The following CAMK1D variants were observed in gnomAD, a reference collection of about 807,000 sequenced individuals.
CAMK1D encodes the protein calcium/calmodulin-dependent protein kinase type 1D.
CAMK1D carries 9 observed loss-of-function variants against 47.7 expected under a neutral mutation model. That is an observed-to-expected ratio of 0.19 (90% confidence interval 0.11 to 0.33). The LOEUF is 0.33. Among genes scored for constraint, CAMK1D ranks in the 10% least tolerant of loss-of-function variants. CAMK1D has a pLI of 1.00. For missense variants in CAMK1D, 291 were observed against 488.7 expected (o/e 0.60, Z 3.81); for synonymous variants, 184 against 184.9 (o/e 0.99, Z 0.04).
At chr10:12,652,884 T>C (rs1456445517) in intron 2 of CAMK1D, among the ~76,000 whole-genome samples, 3 of 152,258 alleles carry the variant, frequency 2.0e-5, no homozygotes, top group Non-Finnish European at 4.4e-5. Context: ...CTGCTCTTTT[T>C]AATTGTGACT....
intron 6 of CAMK1D, among the ~76,000 whole-genome samples, chr10:12,797,723 C>T (rs1588941026): frequency 6.6e-6 from 1 of 152,274 alleles, no homozygotes; most frequent in East Asian, 1.9e-4. Context: ...CTCCCCATCA[C>T]ATTCTCTGCC....
At chr10:12,709,669 A>C (rs1833863917) in intron 3 of CAMK1D, among the ~76,000 whole-genome samples, 1 of 152,198 alleles carries the variant, frequency 6.6e-6, no homozygotes, top group African/African-American at 2.4e-5. Context: ...GTATAGCTGT[A>C]GGATTATGGA....
rs149571812 is a variant in CAMK1D at position 12,790,148 on chromosome 10, C to A, written c.566-1010C>A. Among the ~76,000 whole-genome samples, 631 of 152,326 alleles carry A rather than the reference C, an allele frequency of 4.1e-3. 24 individuals are homozygous for A. Among genetic ancestry groups the A allele is most frequent in the Admixed American group, 0.038 (577 of 15,304 alleles). ...CAGGGAATACAGAGCAAGCCCAAGC[C>A]CCCAGCATGGATGACTCTTGATGAA... On this transcript the variant is annotated intron_variant, in intron 5 of 10. Coordinates refer to ENST00000619168, the MANE Select transcript of CAMK1D (RefSeq NM_153498.4).
chr10:12,688,443 T>C (rs560862708), intron 3 of CAMK1D, among the ~76,000 whole-genome samples: 1 of 152,278 alleles, frequency 6.6e-6, no homozygotes, highest in East Asian at 1.9e-4. Context: ...AAAAGGTACA[T>C]ATAGGAGAGA....
intron 2 of CAMK1D, among the ~76,000 whole-genome samples, chr10:12,595,215 G>A (rs1354650589): frequency 6.6e-6 from 1 of 151,758 alleles, no homozygotes; most frequent in Non-Finnish European, 1.5e-5. Context: ...GGTGGCATGT[G>A]CCTTCAATCC....
At chr10:12,642,450 G>A (rs1275130475) in intron 2 of CAMK1D, among the ~76,000 whole-genome samples, 1 of 152,228 alleles carries the variant, frequency 6.6e-6, no homozygotes, top group Non-Finnish European at 1.5e-5. Context: ...AGGCTGCTGA[G>A]CAGTGGATTG....
chr10:12,795,673 C>T (rs1004804524), intron 6 of CAMK1D, among the ~76,000 whole-genome samples: 9 of 152,192 alleles, frequency 5.9e-5, no homozygotes, highest in East Asian at 1.9e-4. Flanking sequence ...TCCTCTTGCA[C>T]GCCATATAAA....
At chr10:12,595,765 A>G (rs914837164) in intron 2 of CAMK1D, among the ~76,000 whole-genome samples, 4 of 152,158 alleles carry the variant, frequency 2.6e-5, no homozygotes, top group African/African-American at 9.7e-5. Flanking sequence ...TAAAAATACC[A>G]TGACAGGTCA....
intron 2 of CAMK1D, among the ~76,000 whole-genome samples, chr10:12,624,491 C>T (rs1839144955): frequency 6.6e-6 from 1 of 152,210 alleles, no homozygotes; most frequent in Non-Finnish European, 1.5e-5. Context: ...TAAGTGGAGT[C>T]ATGCAGTATT....
chr10:12,534,856 A>T (rs1588604329), intron 1 of CAMK1D, among the ~76,000 whole-genome samples: 2 of 151,596 alleles, frequency 1.3e-5, no homozygotes, highest in Admixed American at 1.3e-4. Context: ...GGTGAACTAG[A>T]ATGGCGAGTC....
At chr10:12,537,081 T>G (rs1835999215) in intron 1 of CAMK1D, among the ~76,000 whole-genome samples, 1 of 147,894 alleles carries the variant, frequency 6.8e-6, no homozygotes, top group African/African-American at 2.6e-5. Context: ...TTTCTTCTTC[T>G]TTTTTTTTGA....
At chr10:12,464,477 A>T (rs1833531967) in intron 1 of CAMK1D, among the ~76,000 whole-genome samples, 1 of 152,064 alleles carries the variant, frequency 6.6e-6, no homozygotes, top group Non-Finnish European at 1.5e-5. Flanking sequence ...CGTGTACTGT[A>T]ATTTGAGAGT....
At chr10:12,665,529 T>G (rs1194415870) in intron 2 of CAMK1D, among the ~76,000 whole-genome samples, 1 of 152,244 alleles carries the variant, frequency 6.6e-6, no homozygotes, top group Non-Finnish European at 1.5e-5. Flanking sequence ...TAGTTCTAGC[T>G]TTCAAGAGGT....
intron 1 of CAMK1D, among the ~76,000 whole-genome samples, chr10:12,409,128 A>T (rs1213991386): frequency 6.6e-6 from 1 of 152,104 alleles, no homozygotes; most frequent in East Asian, 1.9e-4. Context: ...AAGTGCTGGT[A>T]TTACAGGCGT....
intron 7 of CAMK1D, 100 bp downstream of exon 7, chr10:12,814,407 A>C: frequency 1.4e-6 from 1 of 714,198 alleles, no homozygotes; most frequent in Non-Finnish European, 2.5e-6. Flanking sequence ...GGGGCTCAGA[A>C]CAGTCCTGAG....
chr10:12,536,012 G>T (rs951724723), intron 1 of CAMK1D, among the ~76,000 whole-genome samples: 3 of 152,066 alleles, frequency 2.0e-5, no homozygotes, highest in African/African-American at 7.2e-5. Context: ...ACTTTGCATA[G>T]GGAGCTGGGA....
At chr10:12,532,379 A>C (rs1272616693) in intron 1 of CAMK1D, among the ~76,000 whole-genome samples, 1 of 150,488 alleles carries the variant, frequency 6.6e-6, no homozygotes, top group Non-Finnish European at 1.5e-5. Context: ...TCCTGGGTTC[A>C]CGCCATTCTC....
intron 1 of CAMK1D, among the ~76,000 whole-genome samples, chr10:12,546,056 T>C (rs1836359368): frequency 6.6e-6 from 1 of 152,172 alleles, no homozygotes; most frequent in Admixed American, 6.5e-5. Context: ...TTAGAAAGGC[T>C]TTGAATGCCA....
intron 3 of CAMK1D, among the ~76,000 whole-genome samples, chr10:12,753,728 A>G (rs933225478): frequency 6.6e-6 from 1 of 152,088 alleles, no homozygotes; most frequent in African/African-American, 2.4e-5. Flanking sequence ...TGACCTCTCC[A>G]CCCAGCATTT....
Sources: gnomAD v4.1 joint callset for allele counts (sites outside exome capture counted in the v4.1 genomes callset) on GRCh38, gnomAD v4.1.1 for gene constraint, MANE v1.5 for transcripts, NCBI Gene and HGNC (gene_info 2026-07-23, HGNC 2026-07-21) for gene names.